Variants in UGT3A2 observed in about 807,000 individuals in gnomAD.
UGT3A2 encodes the protein UDP-glycosyltransferase 3A2.
Under a neutral mutation model 39.8 loss-of-function variants are expected in UGT3A2, and 32 were observed. The ratio of observed to expected loss-of-function variants is 0.80; its 90% CI spans 0.61 to 1.08. The LOEUF is 1.08. Among genes scored for constraint, UGT3A2 ranks in the 50% least tolerant of loss-of-function variants. The pLI, the probability that UGT3A2 is intolerant of heterozygous loss-of-function variation, is 0.00. For synonymous variants in UGT3A2, 241 were observed against 230.7 expected, an observed-to-expected ratio of 1.04 and a Z score of -0.40; for missense variants, 611 against 637.1, an observed-to-expected ratio of 0.96 and a Z score of 0.44.
At chr5:36,060,438 C>T (rs991023645) in intron 2 of UGT3A2, among the ~76,000 whole-genome samples, 4 of 152,008 alleles carry the variant, frequency 2.6e-5, no homozygotes, top group Non-Finnish European at 4.4e-5. Context: ...ATATTTCTTA[C>T]GATTAGGCAA....
chr5:36,056,539 G>A (rs1742519567), intron 2 of UGT3A2, among the ~76,000 whole-genome samples: 1 of 152,190 alleles, frequency 6.6e-6, no homozygotes, highest in African/African-American at 2.4e-5. Context: ...TTCTTTCTTA[G>A]CAGACTCAGG....
rs764109613 is a variant in UGT3A2, at chr5:36,037,917, C to T, written c.1175G>A (p.Gly392Glu). 1 of 1,614,120 alleles carries T rather than the reference C, an allele frequency of 6.2e-7. No homozygotes were observed. Among genetic ancestry groups the T allele is most frequent in the Admixed American group, 1.7e-5 (1 of 60,020 alleles). Residue 392 changes from glycine to glutamate, a missense_variant, in exon 6 of 7, where the codon GGA becomes GAA. Transcript: ENST00000282507. ...TCGGACCATGTTTTCAGGCTGGTCTCCAAAGAGAGGGATCCCCACCATGGG... is the reference window on the plus strand; with the variant it reads ...TCGGACCATGTTTTCAGGCTGGTCTTCAAAGAGAGGGATCCCCACCATGGG... ...GVPMVGIPLF[G>E]DQPENMVRVE... is the part of the protein sequence containing the mutation.
intron 4 of UGT3A2, among the ~76,000 whole-genome samples, chr5:36,046,087 A>G (rs1581003377): frequency 6.6e-6 from 1 of 152,242 alleles, no homozygotes; most frequent in East Asian, 1.9e-4. Flanking sequence ...ATCTCACCCC[A>G]GTTAAAATGG....
chr5:36,042,624 C>A (rs546030799), intron 4 of UGT3A2, among the ~76,000 whole-genome samples: 2 of 151,924 alleles, frequency 1.3e-5, no homozygotes, highest in African/African-American at 4.8e-5. Context: ...AGAGACTTAA[C>A]ATGTTGCCTC....
At chr5:36,048,841 T>C (rs368607757) in intron 4 of UGT3A2, 48 bp downstream of exon 4, 13 of 1,585,470 alleles carry the variant, frequency 8.2e-6, no homozygotes, top group Non-Finnish European at 1.0e-5. Context: ...AACTATGCAC[T>C]GAAGGCCTCT....
chr5:36,046,924 C>A (rs1165872916), intron 4 of UGT3A2, among the ~76,000 whole-genome samples: 1 of 152,200 alleles, frequency 6.6e-6, no homozygotes, highest in African/African-American at 2.4e-5. Context: ...GAAAATAAAT[C>A]TCAGGATCCC....
chr5:36,038,754 G>A (rs1741911631), intron 5 of UGT3A2, among the ~76,000 whole-genome samples: 3 of 152,214 alleles, frequency 2.0e-5, no homozygotes, highest in Admixed American at 6.5e-5. Flanking sequence ...ACAGAAGTAG[G>A]ACCAGGAATC....
At chr5:36,065,593 G>A (rs1389681926) in intron 1 of UGT3A2, among the ~76,000 whole-genome samples, 1 of 152,136 alleles carries the variant, frequency 6.6e-6, no homozygotes, top group East Asian at 1.9e-4. Flanking sequence ...AGAAAGAGGG[G>A]GAAAAAGTCT....
chr5:36,039,613 G>A lies in UGT3A2; in HGVS notation c.939C>T (p.Phe313=). ...GAGCAAAGGCATTGTTCATCTCCTT[G>A]AAGATTTCCGGATTCTGACAGGTGT... ...MVNTCQNPEI[F]KEMNNAFAHL... The change falls in exon 5 of 7, where the codon TTC becomes TTT. Residue 313 remains phenylalanine (F), a synonymous_variant. Coordinates refer to ENST00000282507, the MANE Select transcript of UGT3A2 (RefSeq NM_174914.4). 1 of 1,614,170 alleles carries A rather than the reference G, an allele frequency of 6.2e-7. No individual in the cohort carries two copies. The highest frequency in any genetic ancestry group is 1.1e-5 in the South Asian group (1 of 91,078).
chr5:36,038,840 A>C (rs1479137085), intron 5 of UGT3A2, among the ~76,000 whole-genome samples: 2 of 152,348 alleles, frequency 1.3e-5, no homozygotes, highest in East Asian at 3.9e-4. Flanking sequence ...TGTCTATGGC[A>C]GCACAGAGCA....
At position 36,037,882 on chromosome 5, in the gene UGT3A2, T is replaced by A; in HGVS notation, c.1210A>T (p.Lys404Ter). The change falls in exon 6 of 7, where the codon AAA (lysine) becomes TAA (stop). Residue 404 changes from lysine (K) to a stop codon, truncating the protein, a stop_gained. Coordinates refer to ENST00000282507, the MANE Select transcript of UGT3A2 (RefSeq NM_174914.4). LOFTEE classifies it high-confidence loss of function. ...QPENMVRVEA[K>*]KFGVSIQLKK... ...AACTGAATAGAAACACCAAACTTTT[T>A]GGCTTCTACTCGGACCATGTTTTCA... is the stretch of plus-strand genomic sequence containing the variant. The A allele has an allele frequency of 6.2e-7, 1 of 1,614,064 alleles. No homozygotes were observed. Among genetic ancestry groups the A allele is most frequent in the Non-Finnish European group, 8.5e-7 (1 of 1,179,984 alleles).
intron 2 of UGT3A2, among the ~76,000 whole-genome samples, chr5:36,060,985 G>T (rs1742678099): frequency 1.3e-5 from 2 of 152,106 alleles, no homozygotes; most frequent in South Asian, 4.1e-4. Flanking sequence ...GCAAAACCCT[G>T]TCTCTACTAA....
chr5:36,039,765 G>T, intron 4 of UGT3A2, 57 bp from the exon 5 acceptor site: 3 of 1,477,866 alleles, frequency 2.0e-6, no homozygotes, highest in South Asian at 1.2e-5. Context: ...AAGCCTAGTT[G>T]ACCAGAAAAT....
chr5:36,040,086 G>A (rs879410688), intron 4 of UGT3A2, among the ~76,000 whole-genome samples: 2 of 152,062 alleles, frequency 1.3e-5, no homozygotes, highest in Non-Finnish European at 2.9e-5. Context: ...GATGCTGGGA[G>A]AACACTTCTG....
At chr5:36,040,348 G>GC (rs1188404835) in intron 4 of UGT3A2, among the ~76,000 whole-genome samples, 1 of 152,022 alleles carries the variant, frequency 6.6e-6, no homozygotes, top group Non-Finnish European at 1.5e-5. Flanking sequence ...AAGTGATTTT[G>GC]CCCCCCGAAG....
intron 2 of UGT3A2, among the ~76,000 whole-genome samples, chr5:36,054,421 A>T (rs1164498876): frequency 2.6e-5 from 4 of 152,194 alleles, no homozygotes; most frequent in Non-Finnish European, 5.9e-5. Flanking sequence ...TTGTCCCAAC[A>T]TCCCCCAAAG....
intron 6 of UGT3A2, among the ~76,000 whole-genome samples, chr5:36,037,402 T>C (rs1741863946): frequency 1.3e-5 from 2 of 152,074 alleles, no homozygotes; most frequent in Admixed American, 1.3e-4. Flanking sequence ...AGCCAGTATG[T>C]GAAGAGGGAG....
chr5:36,064,337 A>C lies in UGT3A2; in HGVS notation c.108T>G (p.Tyr36Ter), dbSNP rs773257042. 17 of 1,614,048 alleles carry C rather than the reference A, an allele frequency of 1.1e-5. No homozygotes were observed. The highest frequency in any genetic ancestry group is 1.4e-5 in the Non-Finnish European group (16 of 1,180,018). Reference sequence around the variant, plus strand: ...TCTGAGAAACCCGGTCCATCAGTAGATAATGGCTTCCACCTAGGAACAATG... The same window carrying C: ...TCTGAGAAACCCGGTCCATCAGTAGCTAATGGCTTCCACCTAGGAACAATG... ...LTISTVGGSH[Y>*]LLMDRVSQIL... Residue 36 changes from tyrosine (Y) to a stop codon, truncating the protein, a stop_gained, in exon 2 of 7, where the codon TAT (tyrosine) becomes TAG (stop). Transcript: ENST00000282507. LOFTEE classifies it high-confidence loss of function.
chr5:36,052,759 T>C (rs1348918291), intron 2 of UGT3A2, among the ~76,000 whole-genome samples: 1 of 152,126 alleles, frequency 6.6e-6, no homozygotes, highest in Non-Finnish European at 1.5e-5. Flanking sequence ...AAAAAATACC[T>C]CACCCTATGA....
Sources: allele counts gnomAD v4.1 joint callset (sites outside exome capture counted in the v4.1 genomes callset), GRCh38; gene constraint gnomAD v4.1.1; transcripts MANE v1.5; gene names NCBI Gene and HGNC (gene_info 2026-07-23, HGNC 2026-07-21).